The following QTMAN variants were observed in gnomAD, a reference collection of about 807,000 sequenced individuals.
QTMAN encodes the protein queuosine-tRNA mannosyltransferase.
chr2:144,007,208 C>A, the QTMAN span: 1 of 1,603,438 alleles, frequency 6.2e-7, no homozygotes, highest in Non-Finnish European at 8.5e-7. Flanking sequence ...CAATGTGTAG[C>A]AGTCTTTGCT....
chr2:144,114,888 T>C, the QTMAN span, among the ~76,000 whole-genome samples: 2 of 152,154 alleles, frequency 1.3e-5, no homozygotes, highest in Non-Finnish European at 2.9e-5. Context: ...ACTGCAGGCA[T>C]ATGTTAAGGC....
the QTMAN span, among the ~76,000 whole-genome samples, chr2:143,982,359 T>C: frequency 2.0e-5 from 3 of 151,900 alleles, no homozygotes; most frequent in Non-Finnish European, 2.9e-5. Flanking sequence ...GCTTACCAAG[T>C]ATCTGGGATT....
At chr2:144,180,042 G>A in the QTMAN span, among the ~76,000 whole-genome samples, 1 of 152,086 alleles carries the variant, frequency 6.6e-6, no homozygotes, top group African/African-American at 2.4e-5. Flanking sequence ...TTTGGCTAGT[G>A]GAGCATGAAG....
the QTMAN span, among the ~76,000 whole-genome samples, chr2:143,952,390 C>T: frequency 6.6e-6 from 1 of 151,252 alleles, no homozygotes; most frequent in Non-Finnish European, 1.5e-5. Context: ...ACCCGTACAA[C>T]AGTTGCATAT....
chr2:143,955,075 A>G, the QTMAN span, among the ~76,000 whole-genome samples: 1 of 152,170 alleles, frequency 6.6e-6, no homozygotes, highest in Non-Finnish European at 1.5e-5. Flanking sequence ...ATTATCTAGC[A>G]ATAATGAATC....
At chr2:144,006,952 T>A in the QTMAN span, 1 of 411,688 alleles carries the variant, frequency 2.4e-6, no homozygotes, top group East Asian at 3.9e-5. Context: ...TACTGTTAGT[T>A]GAGCAAATTG....
chr2:144,256,010 T>C, the QTMAN span, among the ~76,000 whole-genome samples: 9 of 152,360 alleles, frequency 5.9e-5, no homozygotes, highest in Middle Eastern at 3.4e-3. Context: ...AAATAAAGTC[T>C]ATTAATTATT....
At chr2:144,082,883 T>TAC in the QTMAN span, among the ~76,000 whole-genome samples, 6 of 151,840 alleles carry the variant, frequency 4.0e-5, no homozygotes, top group African/African-American at 1.4e-4. Context: ...GGAATTAAAA[T>TAC]ACACACGCAC....
the QTMAN span, among the ~76,000 whole-genome samples, chr2:144,100,090 A>G: frequency 6.6e-5 from 10 of 152,336 alleles, no homozygotes; most frequent in African/African-American, 2.2e-4. Flanking sequence ...CTTGTTGCTG[A>G]TGACGCTAAT....
the QTMAN span, among the ~76,000 whole-genome samples, chr2:144,095,823 T>C: frequency 6.6e-6 from 1 of 152,170 alleles, no homozygotes; most frequent in African/African-American, 2.4e-5. Context: ...CTATAATGCT[T>C]TATTAATATT....
the QTMAN span, among the ~76,000 whole-genome samples, chr2:144,026,009 T>C: frequency 1.3e-5 from 2 of 152,214 alleles, no homozygotes; most frequent in Non-Finnish European, 2.9e-5. Context: ...CTTGGGAAGA[T>C]ACTATGGCTT....
the QTMAN span, among the ~76,000 whole-genome samples, chr2:144,119,083 T>C: frequency 2.1e-3 from 320 of 152,236 alleles, no homozygotes; most frequent in Non-Finnish European, 2.6e-3. Context: ...TGGTAATGTC[T>C]GGGCAAGAGA....
At chr2:144,067,391 T>G in the QTMAN span, among the ~76,000 whole-genome samples, 2 of 152,234 alleles carry the variant, frequency 1.3e-5, no homozygotes, top group African/African-American at 4.8e-5. Context: ...GTTTACCTGG[T>G]TTGCTCTTCA....
the QTMAN span, among the ~76,000 whole-genome samples, chr2:144,144,139 C>A: frequency 6.6e-6 from 1 of 151,926 alleles, no homozygotes; most frequent in Admixed American, 6.6e-5. Flanking sequence ...TTTATAGTCT[C>A]ATTCCCTATC....
At chr2:144,048,819 TACACACAC>T in the QTMAN span, among the ~76,000 whole-genome samples, 6 of 148,322 alleles carry the variant, frequency 4.0e-5, no homozygotes, top group African/African-American at 1.2e-4. Context: ...CACACATGCA[TACACACAC>T]ACACACACAC....
chr2:144,319,707 C>A, the QTMAN span: 12 of 152,300 alleles, frequency 7.9e-5, 1 homozygote, highest in South Asian at 2.3e-3. Flanking sequence ...CTGGACCCAG[C>A]AGGCGGCTCA....
chr2:144,229,774 T>C, the QTMAN span, among the ~76,000 whole-genome samples: 1 of 152,236 alleles, frequency 6.6e-6, no homozygotes. Flanking sequence ...TACTGAGTTA[T>C]CTAGCCTAAA....
chr2:144,131,517 G>A, the QTMAN span, among the ~76,000 whole-genome samples: 4 of 151,860 alleles, frequency 2.6e-5, no homozygotes, highest in African/African-American at 9.6e-5. Flanking sequence ...AGTTATCCAT[G>A]CTGTAGTGTA....
the QTMAN span, among the ~76,000 whole-genome samples, chr2:144,195,196 C>T: frequency 6.6e-6 from 1 of 151,946 alleles, no homozygotes; most frequent in African/African-American, 2.4e-5. Context: ...AACCCTAGAA[C>T]ACAATAGCTG....
Sources: gnomAD v4.1 joint callset for allele counts (sites outside exome capture counted in the v4.1 genomes callset) on GRCh38, gnomAD v4.1.1 for gene constraint, MANE v1.5 for transcripts, NCBI Gene and HGNC (gene_info 2026-07-23, HGNC 2026-07-21) for gene names.